The following ASIC2 variants were observed in gnomAD, a reference collection of about 807,000 sequenced individuals.
ASIC2 encodes the protein acid-sensing ion channel 2.
In ASIC2, 25 loss-of-function variants were observed where a neutral mutation model predicts 57.3. The observed-to-expected ratio is 0.44, with a 90% CI of 0.32 to 0.61. The LOEUF (loss-of-function observed/expected upper bound fraction) is 0.61. Ranked by LOEUF, ASIC2 falls within the 20% of genes least tolerant of loss-of-function variation. ASIC2 has a pLI of 0.06. For synonymous variants in ASIC2, 319 were observed against 307.5 expected, an observed-to-expected ratio of 1.04 and a Z score of -0.39; for missense variants, 641 against 738.1, an observed-to-expected ratio of 0.87 and a Z score of 1.52.
At chr17:33,698,208 A>G (rs1908588535) in intron 1 of ASIC2, among the ~76,000 whole-genome samples, 1 of 152,174 alleles carries the variant, frequency 6.6e-6, no homozygotes, top group Non-Finnish European at 1.5e-5. Context: ...ATTAGGAATG[A>G]ATCCCTATAG....
intron 1 of ASIC2, among the ~76,000 whole-genome samples, chr17:33,321,272 AT>A (rs1379800619): frequency 1.7e-4 from 26 of 152,356 alleles, no homozygotes; most frequent in African/African-American, 6.3e-4. Flanking sequence ...TAAATGGATG[AT>A]TAGTTTTTGC....
chr17:33,966,358 G>A (rs536489146), intron 1 of ASIC2, among the ~76,000 whole-genome samples: 5 of 152,238 alleles, frequency 3.3e-5, no homozygotes, highest in Non-Finnish European at 5.9e-5. Flanking sequence ...ATTACCTAAC[G>A]TCTCTGAGCA....
At chr17:33,923,135 G>A (rs546473032) in intron 1 of ASIC2, among the ~76,000 whole-genome samples, 3 of 152,314 alleles carry the variant, frequency 2.0e-5, no homozygotes, top group African/African-American at 7.2e-5. Flanking sequence ...TTGGCTTTGA[G>A]TGGCTTTCTG....
intron 1 of ASIC2, chr17:33,828,321 G>A (rs946925129): frequency 1.3e-5 from 2 of 152,098 alleles, no homozygotes; most frequent in African/African-American, 4.8e-5. Flanking sequence ...GATTCACTGA[G>A]GGTCCTCTAG....
At chr17:33,222,805 A>G (rs1907732195) in intron 1 of ASIC2, among the ~76,000 whole-genome samples, 4 of 152,252 alleles carry the variant, frequency 2.6e-5, no homozygotes, top group Admixed American at 2.6e-4. Context: ...ACTACAGTCT[A>G]GCAGTACTCA....
At chr17:33,079,404 C>T (rs536486625) in intron 3 of ASIC2, among the ~76,000 whole-genome samples, 1 of 151,868 alleles carries the variant, frequency 6.6e-6, no homozygotes, top group South Asian at 2.1e-4. Flanking sequence ...AGAGAGTGTG[C>T]GATGCTGGGA....
chr17:33,273,398 G>C (rs1243277791), intron 1 of ASIC2, among the ~76,000 whole-genome samples: 2 of 152,158 alleles, frequency 1.3e-5, no homozygotes, highest in African/African-American at 4.8e-5. Context: ...CTGATATAGG[G>C]TTGTTACTCT....
intron 1 of ASIC2, among the ~76,000 whole-genome samples, chr17:33,451,334 G>A (rs1465930722): frequency 6.6e-6 from 1 of 152,138 alleles, no homozygotes; most frequent in Non-Finnish European, 1.5e-5. Flanking sequence ...GGGATTTACA[G>A]GCATGAGCTA....
intron 1 of ASIC2, among the ~76,000 whole-genome samples, chr17:33,979,603 T>C (rs1351910688): frequency 6.6e-6 from 1 of 152,174 alleles, no homozygotes; most frequent in African/African-American, 2.4e-5. Context: ...AAAGGCCTCA[T>C]GTGTCAGGAA....
At chr17:33,794,794 C>T (rs988163089) in intron 1 of ASIC2, 5 of 152,208 alleles carry the variant, frequency 3.3e-5, no homozygotes, top group Admixed American at 1.3e-4. Context: ...CAGCTCATTG[C>T]CTTACAGCCT....
intron 1 of ASIC2, among the ~76,000 whole-genome samples, chr17:33,303,848 A>G (rs879490800): frequency 1.3e-5 from 2 of 152,190 alleles, no homozygotes; most frequent in Non-Finnish European, 2.9e-5. Context: ...CTAAGACACA[A>G]CATTAGATTC....
chr17:33,099,792 C>A (rs1489085485), intron 2 of ASIC2, among the ~76,000 whole-genome samples: 4 of 152,144 alleles, frequency 2.6e-5, no homozygotes, highest in Non-Finnish European at 4.4e-5. Context: ...TGTAAAAATT[C>A]TGTTTACACA....
chr17:34,139,780 C>G (rs1275910204), intron 1 of ASIC2, among the ~76,000 whole-genome samples: 2 of 151,938 alleles, frequency 1.3e-5, no homozygotes, highest in Non-Finnish European at 2.9e-5. Context: ...ATTGGGGAAG[C>G]AGGGTGATTG....
chr17:33,095,517 G>T (rs1346675587), intron 2 of ASIC2, among the ~76,000 whole-genome samples: 1 of 152,110 alleles, frequency 6.6e-6, no homozygotes. Context: ...TCACCTCTGA[G>T]ACAGAGGATC....
chr17:34,145,647 C>T (rs1226036528), intron 1 of ASIC2, among the ~76,000 whole-genome samples: 1 of 152,230 alleles, frequency 6.6e-6, no homozygotes, highest in Non-Finnish European at 1.5e-5. Context: ...CAGAGAAAGT[C>T]ACATTCCTCT....
At chr17:33,023,736 G>T (rs1219711911) in intron 6 of ASIC2, 125 bp downstream of exon 6, 3 of 1,269,322 alleles carry the variant, frequency 2.4e-6, no homozygotes, top group African/African-American at 3.0e-5. Flanking sequence ...GACACACAGA[G>T]GGTGTTCAAC....
At chr17:34,084,696 T>C (rs1048083280) in intron 1 of ASIC2, among the ~76,000 whole-genome samples, 2 of 152,216 alleles carry the variant, frequency 1.3e-5, no homozygotes, top group African/African-American at 4.8e-5. Context: ...CTTCCATTTG[T>C]TTGTATCCTC....
intron 1 of ASIC2, among the ~76,000 whole-genome samples, chr17:33,860,186 GCAGGCATAATAC>G (rs1266480244): frequency 6.6e-6 from 1 of 152,148 alleles, no homozygotes; most frequent in Admixed American, 6.5e-5. Flanking sequence ...ATGAGATAAG[GCAGGCATAATAC>G]CAGGCATAAT....
chr17:33,764,502 G>A (rs115644501), intron 1 of ASIC2, among the ~76,000 whole-genome samples: 3,196 of 152,210 alleles, frequency 0.021, 134 homozygotes, highest in African/African-American at 0.072. Context: ...GGAGGTTTAA[G>A]GTCAAGGGAG....
Sources: allele counts gnomAD v4.1 joint callset (sites outside exome capture counted in the v4.1 genomes callset), GRCh38; gene constraint gnomAD v4.1.1; transcripts MANE v1.5; gene names NCBI Gene and HGNC (gene_info 2026-07-23, HGNC 2026-07-21).